Variants in PRKCQ observed in about 807,000 individuals in gnomAD.
PRKCQ encodes the protein protein kinase C theta, also known as protein kinase C theta type.
A neutral mutation model predicts 91.2 loss-of-function variants in PRKCQ; 41 were observed. The observed-to-expected ratio is 0.45, with a 90% CI of 0.35 to 0.58. The LOEUF is 0.58. PRKCQ is among the 20% of genes least tolerant of loss of function. The pLI is 0.00. For missense variants in PRKCQ, 673 were observed against 896.5 expected, an observed-to-expected ratio of 0.75 and a Z score of 3.18; for synonymous variants, 307 against 316.9, an observed-to-expected ratio of 0.97 and a Z score of 0.33.
chr10:6,546,711 A>C (rs1839965478), intron 1 of PRKCQ, among the ~76,000 whole-genome samples: 1 of 152,150 alleles, frequency 6.6e-6, no homozygotes, highest in South Asian at 2.1e-4. Flanking sequence ...TTCCTAATTG[A>C]ATACCCTTTA....
intron 1 of PRKCQ, among the ~76,000 whole-genome samples, chr10:6,532,995 ATTTTG>A (rs1236960158): frequency 1.3e-5 from 2 of 152,016 alleles, no homozygotes; most frequent in Non-Finnish European, 2.9e-5. Context: ...TAATGTTTAG[ATTTTG>A]TTTTTTTAAA....
the PRKCQ span, among the ~76,000 whole-genome samples, chr10:6,403,797 G>A: frequency 6.6e-6 from 1 of 151,660 alleles, no homozygotes; most frequent in South Asian, 2.1e-4. Flanking sequence ...AGACATAGTT[G>A]GTGCTCGATA....
the PRKCQ span, among the ~76,000 whole-genome samples, chr10:6,403,827 A>C: frequency 7.9e-6 from 1 of 126,736 alleles, no homozygotes; most frequent in Non-Finnish European, 1.8e-5. Context: ...TTCAGGGATA[A>C]ATGAATGAAA....
chr10:6,423,481 C>T (rs768872997), downstream of PRKCQ, among the ~76,000 whole-genome samples: 5 of 152,156 alleles, frequency 3.3e-5, no homozygotes, highest in East Asian at 5.8e-4. Flanking sequence ...GGCCTGCCGT[C>T]GGCTGGGGGC....
At chr10:6,445,121 C>CTCAAAAAAAA (rs779476076) in intron 15 of PRKCQ, among the ~76,000 whole-genome samples, 6 of 105,412 alleles carry the variant, frequency 5.7e-5, no homozygotes, top group African/African-American at 1.8e-4. Context: ...AAGACTCTGT[C>CTCAAAAAAAA]AAAAAAAAAA....
At chr10:6,398,992 C>T in the PRKCQ span, among the ~76,000 whole-genome samples, 2 of 152,178 alleles carry the variant, frequency 1.3e-5, no homozygotes, top group Non-Finnish European at 2.9e-5. Context: ...AACTTCTGAA[C>T]TCAAGCAATC....
At chr10:6,479,284 C>G (rs1836447968) in intron 11 of PRKCQ, 119 bp from the exon 12 acceptor site, 1 of 1,152,046 alleles carries the variant, frequency 8.7e-7, no homozygotes, top group African/African-American at 1.6e-5. Flanking sequence ...TTCTCCAACC[C>G]CCATCCATCC....
At chr10:6,513,447 C>CA (rs58606251) in intron 2 of PRKCQ, among the ~76,000 whole-genome samples, 1,253 of 105,464 alleles carry the variant, frequency 0.012, 25 homozygotes, top group African/African-American at 0.039. Flanking sequence ...AGGCCAAATG[C>CA]AAAAAAAAAA....
At chr10:6,467,938 G>A (rs1203809975) in intron 12 of PRKCQ, among the ~76,000 whole-genome samples, 1 of 152,184 alleles carries the variant, frequency 6.6e-6, no homozygotes, top group East Asian at 1.9e-4. Context: ...TGGGTGCAGA[G>A]GTGCATGCCT....
At position 6,430,836 on chromosome 10, in the gene PRKCQ, T is replaced by C; in HGVS notation, c.1939A>G (p.Ile647Val). The C allele has an allele frequency of 6.2e-7, 1 of 1,614,084 alleles. No individual in the cohort carries two copies. Among genetic ancestry groups the C allele is most frequent in the Non-Finnish European group, 8.5e-7 (1 of 1,179,998 alleles). Residue 647 changes from isoleucine (I) to valine (V), a missense_variant, in exon 17 of 18, where the codon ATT becomes GTT. Transcript: ENST00000263125. The surrounding 1 kb of genome is among the most constrained non-coding windows in gnomAD (Gnocchi z 4.7). ...ACTTTCGGCCGGAACGGTGGGTCAA[T>C]CTCCTTCCGTTCAAGTTCCTCCCAG... ...INWEELERKEIDPPFRPKVKS... is the reference protein window; with the variant it reads ...INWEELERKEVDPPFRPKVKS...
intron 1 of PRKCQ, among the ~76,000 whole-genome samples, chr10:6,547,303 C>T (rs1839999800): frequency 6.6e-6 from 1 of 151,986 alleles, no homozygotes; most frequent in South Asian, 2.1e-4. Flanking sequence ...AATGGCCATA[C>T]TGCCCAAGGT....
the PRKCQ span, among the ~76,000 whole-genome samples, chr10:6,411,875 T>C: frequency 2.6e-5 from 4 of 152,190 alleles, no homozygotes; most frequent in African/African-American, 9.7e-5. Context: ...TAATGCCATA[T>C]AATGATGATG....
At chr10:6,499,829 C>G (rs1312358297) in intron 4 of PRKCQ, among the ~76,000 whole-genome samples, 1 of 152,214 alleles carries the variant, frequency 6.6e-6, no homozygotes, top group Non-Finnish European at 1.5e-5. Flanking sequence ...TGTCCAATCC[C>G]TAACAGTGGC....
chr10:6,515,048 C>A lies in PRKCQ; in HGVS notation c.88G>T (p.Ala30Ser). Residue 30 changes from alanine to serine, a missense_variant, in exon 2 of 18, where the codon GCT becomes TCT. Ala to Ser is a moderately conservative substitution (Grantham distance 99). Transcript: ENST00000263125. The stretch of plus-strand genomic sequence containing the variant: ...TCGACATACTCTTTGACGAGCACAG[C>A]ACAGTAAGGGTTAACAGCCTCGCCC... Reference protein sequence around the residue: ...CQGEAVNPYCAVLVKEYVESE... With the variant: ...CQGEAVNPYCSVLVKEYVESE... 3 of 1,613,806 alleles carry A rather than the reference C, an allele frequency of 1.9e-6. No homozygotes were observed. Among genetic ancestry groups the A allele is most frequent in the Non-Finnish European group, 2.5e-6 (3 of 1,179,944 alleles).
rs546109195 is a variant in PRKCQ, at chr10:6,503,149, T to C, written c.379+4287A>G. 2.0e-5 allele frequency among the ~76,000 whole-genome samples: 3 copies of C among 152,282 alleles called. No individual in the cohort carries two copies. The East Asian group carries it at 5.8e-4, about 29-fold the overall frequency. Reference sequence around the variant, plus strand: ...CAAAGGCTTATCATGGGAGCCAGGCTAGGTAGAGTTAATGCCAGAAAGTGG... The same window carrying C: ...CAAAGGCTTATCATGGGAGCCAGGCCAGGTAGAGTTAATGCCAGAAAGTGG... On this transcript the variant is annotated intron_variant, in intron 4 of 17. Transcript: ENST00000263125.
At chr10:6,443,366 C>T (rs1228353512) in intron 15 of PRKCQ, among the ~76,000 whole-genome samples, 3 of 152,212 alleles carry the variant, frequency 2.0e-5, no homozygotes, top group Non-Finnish European at 4.4e-5. Flanking sequence ...GCTGCACTTG[C>T]TTGCTCATTG....
chr10:6,414,884 G>C, the PRKCQ span, among the ~76,000 whole-genome samples: 4 of 152,042 alleles, frequency 2.6e-5, no homozygotes, highest in Non-Finnish European at 4.4e-5. Flanking sequence ...AGACCCAAAG[G>C]AGGAGGAGAC....
chr10:6,501,642 T>G (rs944891654), intron 4 of PRKCQ, among the ~76,000 whole-genome samples: 7 of 151,520 alleles, frequency 4.6e-5, no homozygotes, highest in African/African-American at 1.7e-4. Context: ...ACCAATATGG[T>G]GAAACCCCGT....
In PRKCQ at chr10:6,489,896, C is replaced by T. The variant is rs553958064; in HGVS notation, c.790+1787G>A. ...CCCTGGGAAGTTCTAAGCTGTGCCG[C>T]GGCGCTGCTGGGACCAGCTCTTCTT... On this transcript the variant is annotated intron_variant, in intron 8 of 17. Transcript: ENST00000263125. Among the ~76,000 whole-genome samples the T allele has an allele frequency of 3.3e-5, 5 of 152,158 alleles. No homozygotes were observed. In the East Asian group the frequency reaches 5.8e-4, roughly 18 times the overall value.
Sources: gnomAD v4.1 joint callset for allele counts (sites outside exome capture counted in the v4.1 genomes callset) on GRCh38, gnomAD v4.1.1 for gene constraint, Gnocchi (gnomAD v3.1) non-coding constraint, MANE v1.5 for transcripts, NCBI Gene and HGNC (gene_info 2026-07-23, HGNC 2026-07-21) for gene names.